ADGRL1: variants seen among roughly 807,000 people sequenced by gnomAD.
ADGRL1 encodes the protein adhesion G protein-coupled receptor L1, also known as CIRL-1.
A neutral mutation model predicts 148.9 loss-of-function variants in ADGRL1; 31 were observed. The ratio of observed to expected loss-of-function variants is 0.21; its 90% confidence interval spans 0.16 to 0.28. ADGRL1 has a LOEUF of 0.28. Ranked by LOEUF, ADGRL1 falls within the 10% of genes least tolerant of loss-of-function variation. The pLI, the probability that ADGRL1 is intolerant of heterozygous loss-of-function variation, is 1.00. For missense variants in ADGRL1, 1,521 were observed against 2,058.8 expected (o/e 0.74, Z 5.05); for synonymous variants, 937 against 900.3 (o/e 1.04, Z -0.73).
chr19:14,186,299 C>T (rs377211642), intron 1 of ADGRL1, among the ~76,000 whole-genome samples: 36 of 152,312 alleles, frequency 2.4e-4, no homozygotes, highest in South Asian at 6.2e-4. Flanking sequence ...CTCAAGAGAT[C>T]CTCCTGCCTC....
chr19:14,150,819 G>GC lies in ADGRL1; in HGVS notation c.*53dup. 2 of 1,579,498 alleles carry GC rather than the reference G, an allele frequency of 1.3e-6. No homozygotes were observed. Among genetic ancestry groups the GC allele is most frequent in the Non-Finnish European group, 1.7e-6 (2 of 1,165,570 alleles). ...TGTCTCCCTCTCCCACCAGAGCCCT[G>GC]CCCAGGGTTCCCTCCCTGGCCTGGG... is the stretch of plus-strand genomic sequence containing the variant. On this transcript the variant is annotated 3_prime_UTR_variant, in exon 23 of 23. Transcript: ENST00000361434.
At chr19:14,182,945 G>GC (rs1199829196) in intron 2 of ADGRL1, among the ~76,000 whole-genome samples, 2 of 151,904 alleles carry the variant, frequency 1.3e-5, no homozygotes, top group East Asian at 1.9e-4. Flanking sequence ...GAGGGGCCGG[G>GC]CCTACTGGCC....
At position 14,162,801 on chromosome 19, in the gene ADGRL1, C is replaced by T; in HGVS notation, c.1000G>A (p.Ala334Thr). Reference protein sequence around the residue: ...RSVYVDDDSEAAGNRVDYAFN... With the variant: ...RSVYVDDDSETAGNRVDYAFN... The stretch of plus-strand genomic sequence containing the variant: ...GCATAGTCCACGCGGTTGCCAGCCG[C>T]CTCGCTGTCATCATCCACGTACACG... The change falls in exon 5 of 23, where the codon GCG (alanine) becomes ACG (threonine). Residue 334 changes from alanine (A) to threonine (T), a missense_variant. Coordinates refer to ENST00000361434, the MANE Select transcript of ADGRL1 (RefSeq NM_014921.5). This position sits in a 1 kb window ranked among gnomAD's most constrained non-coding sequence, Gnocchi z 5.4. 6.2e-7 allele frequency: 1 copy of T among 1,613,976 alleles called. No homozygotes were observed. Among genetic ancestry groups the T allele is most frequent in the Admixed American group, 1.7e-5 (1 of 60,010 alleles).
chr19:14,152,081 G>C lies in ADGRL1; in HGVS notation c.3667+52C>G. On this transcript the variant is annotated intron_variant, in intron 22 of 22. Transcript: ENST00000361434. The surrounding 1 kb of genome is among the most constrained non-coding windows in gnomAD (Gnocchi z 6.1). ...AGTGAGGCCGTCTGAGAAGGCCACTGTCTGTCCCTCTCCCAGCCTCAGAAA... is the reference window on the plus strand; with the variant it reads ...AGTGAGGCCGTCTGAGAAGGCCACTCTCTGTCCCTCTCCCAGCCTCAGAAA... The C allele has an allele frequency of 6.4e-7, 1 of 1,552,904 alleles. No individual in the cohort carries two copies. Among genetic ancestry groups the C allele is most frequent in the Non-Finnish European group, 8.9e-7 (1 of 1,124,116 alleles).
rs1969090569 is a variant in ADGRL1, at chr19:14,159,246, C to A, written c.2024-31G>T. 1 of 1,610,702 alleles carries A rather than the reference C, an allele frequency of 6.2e-7. No homozygotes were observed. Among genetic ancestry groups the A allele is most frequent in the African/African-American group, 1.3e-5 (1 of 75,030 alleles). The stretch of plus-strand genomic sequence containing the variant: ...GGGACAGGGGAAGGCAAGGCATACA[C>A]AGTTGGGGTCTGTTCCCAGTCCAGG... On this transcript the variant is annotated intron_variant, in intron 10 of 22. Coordinates refer to ENST00000361434, the MANE Select transcript of ADGRL1 (RefSeq NM_014921.5). The surrounding 1 kb of genome is among the most constrained non-coding windows in gnomAD (Gnocchi z 6.0).
At chr19:14,184,539 C>G (rs1488653663) in intron 1 of ADGRL1, among the ~76,000 whole-genome samples, 1 of 151,490 alleles carries the variant, frequency 6.6e-6, no homozygotes, top group Admixed American at 6.6e-5. Context: ...CTCAAGGAAT[C>G]CTCCCACCTC....
chr19:14,166,900 G>C lies in ADGRL1; in HGVS notation c.395-3494C>G, dbSNP rs187222399. The C allele has an allele frequency of 8.8e-5, 98 of 1,112,004 alleles. No homozygotes were observed. In the African/African-American group the frequency reaches 1.3e-3, roughly 15 times the overall value. 68.9% of individuals were successfully genotyped at this position (1,112,004 alleles called of 1,614,324 possible). A position where few individuals can be genotyped will look rare whatever the true frequency, so the allele number is the denominator to read the frequency against. On this transcript the variant is annotated intron_variant, in intron 4 of 22. Coordinates refer to ENST00000361434, the MANE Select transcript of ADGRL1 (RefSeq NM_014921.5). The stretch of plus-strand genomic sequence containing the variant: ...CAACCCAGGGTGGGGGATACCGACC[G>C]GACCAAGTGTGGGTTGGGGAGAGAA...
rs760584887 is a variant in ADGRL1, at chr19:14,160,145, G to A, written c.1767C>T (p.Ile589=). The change falls in exon 8 of 23, where the codon ATC becomes ATT. Residue 589 remains isoleucine (I), a synonymous_variant. Coordinates refer to ENST00000361434, the MANE Select transcript of ADGRL1 (RefSeq NM_014921.5). This position sits in a 1 kb window ranked among gnomAD's most constrained non-coding sequence, Gnocchi z 5.9. ...AGTTCTTGCCGGCTGACTCGCGCTC[G>A]ATGGGCCGCAGGGCCTGCAGCTGGG... is the stretch of plus-strand genomic sequence containing the variant. ...LDAQLQALRP[I]ERESAGKNYN... 10 of 1,590,306 alleles carry A rather than the reference G, an allele frequency of 6.3e-6. No individual in the cohort carries two copies. The highest frequency in any genetic ancestry group is 8.6e-6 in the Non-Finnish European group (10 of 1,160,848).
chr19:14,200,130 G>T (rs1222317713), intron 1 of ADGRL1, among the ~76,000 whole-genome samples: 1 of 152,220 alleles, frequency 6.6e-6, no homozygotes, highest in African/African-American at 2.4e-5. Context: ...GAGCACGCAG[G>T]TGTTCAGTTC....
chr19:14,151,738 C>T, intron 22 of ADGRL1, 123 bp from the exon 23 acceptor site: 2 of 923,020 alleles, frequency 2.2e-6, no homozygotes, highest in Non-Finnish European at 3.2e-6. Flanking sequence ...GTAGGCTTCC[C>T]CCTGCCCCCT....
chr19:14,190,378 C>T (rs1243457570), intron 1 of ADGRL1, among the ~76,000 whole-genome samples: 2 of 152,192 alleles, frequency 1.3e-5, no homozygotes, highest in African/African-American at 4.8e-5. Context: ...GAGATCCTCC[C>T]ACCTCAGCCT....
intron 22 of ADGRL1, 73 bp from the exon 23 acceptor site, chr19:14,151,688 G>T: frequency 7.1e-7 from 1 of 1,414,334 alleles, no homozygotes; most frequent in South Asian, 1.3e-5. Flanking sequence ...AGGGGGTGCG[G>T]TCCATGTGGA....
intron 4 of ADGRL1, among the ~76,000 whole-genome samples, chr19:14,164,101 C>G (rs538746559): frequency 2.5e-4 from 37 of 150,738 alleles, no homozygotes; most frequent in African/African-American, 8.5e-4. Flanking sequence ...TCCCCACCCC[C>G]CACCCAGTAC....
intron 1 of ADGRL1, among the ~76,000 whole-genome samples, chr19:14,184,219 G>A (rs374807795): frequency 6.6e-6 from 1 of 152,100 alleles, no homozygotes; most frequent in Non-Finnish European, 1.5e-5. Flanking sequence ...GCCACAGATC[G>A]GGAACCAGGG....
Position 14,151,413 on chromosome 19 carries a change from C to G in ADGRL1, c.3870G>C (p.Gly1290=), listed in dbSNP as rs535786621. The part of the protein sequence containing the change: ...ISELVHNNLR[G]SSSAAKGPPP... ...GAGGGCCCTTGGCCGCGCTGCTGCTCCCCCGCAGGTTGTTGTGCACCAGCT... is the reference window on the plus strand; with the variant it reads ...GAGGGCCCTTGGCCGCGCTGCTGCTGCCCCGCAGGTTGTTGTGCACCAGCT... Residue 1290 remains glycine (G), a synonymous_variant, in exon 23 of 23, where the codon GGG becomes GGC. Coordinates refer to ENST00000361434, the MANE Select transcript of ADGRL1 (RefSeq NM_014921.5). 6 of 1,611,826 alleles carry G rather than the reference C, an allele frequency of 3.7e-6. No individual in the cohort carries two copies. The highest frequency in any genetic ancestry group is 4.2e-6 in the Non-Finnish European group (5 of 1,179,496).
In ADGRL1 at chr19:14,151,148, G is replaced by C. The variant is rs751270255; in HGVS notation, c.4135C>G (p.Leu1379Val). ...PLSSPPGRDSLYASGANLRDS... is the reference protein window; with the variant it reads ...PLSSPPGRDSVYASGANLRDS... ...CGCAGGTTGGCCCCGCTGGCATAGAGGGAGTCCCGGCCAGGAGGGGAGGAG... is the reference window on the plus strand; with the variant it reads ...CGCAGGTTGGCCCCGCTGGCATAGACGGAGTCCCGGCCAGGAGGGGAGGAG... Residue 1379 changes from leucine (L) to valine (V), a missense_variant, in exon 23 of 23, where the codon CTC (leucine) becomes GTC (valine). Around this residue, in one of 8 missense-constraint regions of ADGRL1, gnomAD observed 390 missense variants for 375.0 expected, o/e 1.04. Transcript: ENST00000361434. 5.9e-5 allele frequency: 94 copies of C among 1,602,238 alleles called. 1 individual carries two copies. Among genetic ancestry groups the C allele is most frequent in the Admixed American group, 1.7e-4 (10 of 58,982 alleles).
rs1424266957 is a variant in ADGRL1 at position 14,148,600 on chromosome 19, G to C, written c.*2273C>G. ...CCTAGTGCAGTCCGGGAAGGGCCAT[G>C]GAACTGTCCCTTGCCCTCCTCAGAG... is the stretch of plus-strand genomic sequence containing the variant. On this transcript the variant is annotated 3_prime_UTR_variant, in exon 23 of 23. Transcript: ENST00000361434. The C allele has an allele frequency of 6.6e-6, 1 of 152,668 alleles. No homozygotes were observed. The highest frequency in any genetic ancestry group is 2.4e-5 in the African/African-American group (1 of 41,442). The allele number at this position is 152,668 out of a possible 1,614,324, so 9.5% of individuals were successfully genotyped here. A position where few individuals can be genotyped will look rare whatever the true frequency, so the allele number is the denominator to read the frequency against.
chr19:14,183,239 A>T (rs1194143381), intron 2 of ADGRL1, among the ~76,000 whole-genome samples: 1 of 106,360 alleles, frequency 9.4e-6, no homozygotes, highest in African/African-American at 3.2e-5. Flanking sequence ...CAGAGAGAGG[A>T]GCATCGGCTC....
chr19:14,153,385 C>T (rs1298795113), intron 18 of ADGRL1, among the ~76,000 whole-genome samples: 1 of 149,118 alleles, frequency 6.7e-6, no homozygotes, highest in East Asian at 2.0e-4. Flanking sequence ...GGGGGTTAGG[C>T]AGTGCTGACT....
Sources: gnomAD v4.1 joint callset for allele counts (sites outside exome capture counted in the v4.1 genomes callset) on GRCh38, gnomAD v4.1.1 for gene constraint, gnomAD v4.1.1 regional missense constraint, Gnocchi (gnomAD v3.1) non-coding constraint, MANE v1.5 for transcripts, NCBI Gene and HGNC (gene_info 2026-07-23, HGNC 2026-07-21) for gene names.